The following KDM6B variants were observed in gnomAD, a reference collection of about 807,000 sequenced individuals.
KDM6B encodes the protein lysine-specific demethylase 6B.
A neutral mutation model predicts 150.4 loss-of-function variants in KDM6B; 22 were observed. That is an observed-to-expected ratio of 0.15 (90% CI 0.10 to 0.21). The LOEUF (loss-of-function observed/expected upper bound fraction) is 0.21, where lower values mean the gene tolerates loss of function less well. KDM6B is among the 10% of genes least tolerant of loss of function. The pLI, the probability that KDM6B is intolerant of heterozygous loss-of-function variation, is 1.00. For missense variants in KDM6B, 1,984 were observed against 2,234.3 expected (o/e 0.89, Z 2.26); for synonymous variants, 1,148 against 921.1 (o/e 1.25, Z -4.46).
Position 7,853,137 on chromosome 17 carries a change from C to T in KDM6B, c.4737+11C>T, listed in dbSNP as rs747015084. The T allele has an allele frequency of 5.1e-5, 82 of 1,613,938 alleles. No individual in the cohort carries two copies. Among genetic ancestry groups the T allele is most frequent in the Middle Eastern group, 1.6e-4 (1 of 6,084 alleles). On this transcript the variant is annotated intron_variant, in intron 22 of 23. Transcript: ENST00000448097. ...TGCAACGAGTGCGATGTGAGTGGGC[C>T]GGCTCTGCTGCTCTCCCTGAGTGTC...
intron 2 of KDM6B, among the ~76,000 whole-genome samples, chr17:7,841,635 T>C (rs989864341): frequency 3.3e-5 from 5 of 152,112 alleles, no homozygotes; most frequent in Middle Eastern, 3.2e-3. Context: ...TGAGCAGATA[T>C]GCAGGTGCAC....
chr17:7,835,883 C>G (rs926483872), intron 1 of KDM6B, among the ~76,000 whole-genome samples: 1 of 152,172 alleles, frequency 6.6e-6, no homozygotes, highest in African/African-American at 2.4e-5. Context: ...CCACACGTCT[C>G]GGTCGGTCTG....
At chr17:7,837,235 C>T (rs1292203764) in intron 1 of KDM6B, among the ~76,000 whole-genome samples, 2 of 151,996 alleles carry the variant, frequency 1.3e-5, no homozygotes, top group Non-Finnish European at 2.9e-5. Flanking sequence ...CCCCCTTCCC[C>T]AGATTGATTT....
chr17:7,846,585 C>G lies in KDM6B; in HGVS notation c.556C>G (p.Arg186Gly), dbSNP rs766710644. ...TCTCTCTTTTTGTTCTCAGCACAAACGGAACTATGGAGCCAAGCGGGGAGG... is the reference window on the plus strand; with the variant it reads ...TCTCTCTTTTTGTTCTCAGCACAAAGGGAACTATGGAGCCAAGCGGGGAGG... ...VWNLLHLEHKRNYGAKRGGPP... is the reference protein window; with the variant it reads ...VWNLLHLEHKGNYGAKRGGPP... Residue 186 changes from arginine to glycine, a missense_variant, in exon 9 of 24, where the codon CGG becomes GGG. Physicochemically the swap from Arg to Gly is moderately radical, Grantham distance 125. Around this residue, in one of 13 missense-constraint regions of KDM6B, gnomAD observed 337 missense variants for 323.9 expected, o/e 1.04. Coordinates refer to ENST00000448097, the MANE Select transcript of KDM6B (RefSeq NM_001348716.2). The G allele has an allele frequency of 1.2e-6, 2 of 1,614,084 alleles. No individual in the cohort carries two copies. Among genetic ancestry groups the G allele is most frequent in the Non-Finnish European group, 1.7e-6 (2 of 1,180,004 alleles).
rs754252808 is a variant in KDM6B at position 7,851,638 on chromosome 17, C to T, written c.4017-10C>T. 83 of 1,595,076 alleles carry T rather than the reference C, an allele frequency of 5.2e-5. No homozygotes were observed. The highest frequency in any genetic ancestry group is 6.2e-5 in the Non-Finnish European group (73 of 1,170,606). Reference sequence around the variant, plus strand: ...GGGGTGTAGCCTCTCGTCGCACTTCCGCACCGCAGGTGGAAGCCCCAGCTG... The same window carrying T: ...GGGGTGTAGCCTCTCGTCGCACTTCTGCACCGCAGGTGGAAGCCCCAGCTG... On this transcript the variant is annotated splice_polypyrimidine_tract_variant and intron_variant, in intron 17 of 23. Coordinates refer to ENST00000448097, the MANE Select transcript of KDM6B (RefSeq NM_001348716.2).
Position 7,837,287 on chromosome 17 carries a change from T to TGGGGG in KDM6B, c.-387-2614_-387-2610dup, listed in dbSNP as rs147635033. On this transcript the variant is annotated intron_variant, in intron 1 of 23. Transcript: ENST00000448097. The stretch of plus-strand genomic sequence containing the variant: ...AAAGACGGAAGAGTTGTGTGTAGTA[T>TGGGGG]GGGGGGGGGTTCACTACACACCAGC... 8.1e-4 allele frequency among the ~76,000 whole-genome samples: 122 copies of TGGGGG among 150,878 alleles called. 1 individual carries two copies. In the East Asian group the frequency reaches 0.017, roughly 22 times the overall value.
In KDM6B at chr17:7,853,617, AG is replaced by A. The variant is rs2078750179; in HGVS notation, c.*101del. On this transcript the variant is annotated 3_prime_UTR_variant, in exon 24 of 24. Transcript: ENST00000448097. ...ACCTAGGTCCCGCCTGTGGCCGAGAAGGGGGTCGGGCCCAGCCCTTCCACCC... is the reference window on the plus strand; with the variant it reads ...ACCTAGGTCCCGCCTGTGGCCGAGAAGGGGTCGGGCCCAGCCCTTCCACCC... 4.2e-6 allele frequency: 4 copies of A among 957,570 alleles called. No homozygotes were observed. The highest frequency in any genetic ancestry group is 5.6e-6 in the Non-Finnish European group (4 of 719,700). 59.3% of individuals were successfully genotyped at this position (957,570 alleles called of 1,614,324 possible).
chr17:7,848,046 G>T lies in KDM6B; in HGVS notation c.1758G>T (p.Arg586=). 2 of 1,608,540 alleles carry T rather than the reference G, an allele frequency of 1.2e-6. No individual in the cohort carries two copies. Among genetic ancestry groups the T allele is most frequent in the Non-Finnish European group, 1.7e-6 (2 of 1,177,420 alleles). ...YLARSIDPLP[R]PPSPAQNPQD... The stretch of plus-strand genomic sequence containing the variant: ...CCAGAAGTATAGACCCCCTTCCCCG[G>T]CCTCCCAGCCCAGCACAGAACCCCC... The change falls in exon 12 of 24, where the codon CGG becomes CGT. Residue 586 remains arginine, a synonymous_variant. Transcript: ENST00000448097.
Position 7,849,245 on chromosome 17 carries a change from A to C in KDM6B, c.2957A>C (p.His986Pro). ...QKEHQKEHRR[H>P]RRACKDSVGR... ...GAGCATCAGAAGGAGCATCGGCGGC[A>C]CAGGCGGGCCTGTAAGGACAGTGTG... The change falls in exon 12 of 24, where the codon CAC becomes CCC. Residue 986 changes from histidine to proline, a missense_variant. This residue lies in a region of KDM6B where 1,379 missense variants were observed against 1,275.6 expected (regional missense o/e 1.08). Transcript: ENST00000448097. The C allele has an allele frequency of 6.4e-7, 1 of 1,565,146 alleles. No homozygotes were observed. The highest frequency in any genetic ancestry group is 8.7e-7 in the Non-Finnish European group (1 of 1,154,276).
In KDM6B at chr17:7,846,177, G is replaced by A; in HGVS notation, c.336G>A (p.Gln112=). 6.2e-7 allele frequency: 1 copy of A among 1,614,104 alleles called. No homozygotes were observed. ...REPAQPGLWE[Q]LGQLYESEHD... The stretch of plus-strand genomic sequence containing the variant: ...CAGCCCAGCCAGGGCTTTGGGAACA[G>A]CTTGGGCAACTGTACGAGTCAGAGC... Residue 112 remains glutamine, a synonymous_variant, in exon 7 of 24, where the codon CAG becomes CAA. Coordinates refer to ENST00000448097, the MANE Select transcript of KDM6B (RefSeq NM_001348716.2).
chr17:7,850,702 AG>A (rs1335186828), intron 14 of KDM6B, among the ~76,000 whole-genome samples: 1 of 152,250 alleles, frequency 6.6e-6, no homozygotes, highest in Non-Finnish European at 1.5e-5. Context: ...GGAAAAAAGA[AG>A]CTGCCATTCA....
At chr17:7,836,004 A>G (rs1188623451) in intron 1 of KDM6B, among the ~76,000 whole-genome samples, 1 of 152,024 alleles carries the variant, frequency 6.6e-6, no homozygotes, top group African/African-American at 2.4e-5. Context: ...GGCTGGGCGG[A>G]GCTGTGGTTT....
In KDM6B at chr17:7,847,226, C is replaced by G; in HGVS notation, c.1031C>G (p.Ala344Gly). 2 of 1,588,056 alleles carry G rather than the reference C, an allele frequency of 1.3e-6. No homozygotes were observed. Among genetic ancestry groups the G allele is most frequent in the South Asian group, 1.1e-5 (1 of 90,772 alleles). Residue 344 changes from alanine (A) to glycine (G), a missense_variant, in exon 11 of 24, where the codon GCA (alanine) becomes GGA (glycine). Ala to Gly is a moderately conservative substitution (Grantham distance 60). Coordinates refer to ENST00000448097, the MANE Select transcript of KDM6B (RefSeq NM_001348716.2). ...GGCCCAGGCCCCCGCCCCCCAGGAGCAGAGAGCCATGGCTGCCTGCCTGCC... is the reference window on the plus strand; with the variant it reads ...GGCCCAGGCCCCCGCCCCCCAGGAGGAGAGAGCCATGGCTGCCTGCCTGCC... ...PPGPGPRPPG[A>G]ESHGCLPATR...
chr17:7,853,623 T>A lies in KDM6B; in HGVS notation c.*102T>A. ...GTCCCGCCTGTGGCCGAGAAGGGGG[T>A]CGGGCCCAGCCCTTCCACCCCATTG... On this transcript the variant is annotated 3_prime_UTR_variant, in exon 24 of 24. Coordinates refer to ENST00000448097, the MANE Select transcript of KDM6B (RefSeq NM_001348716.2). 1.1e-6 allele frequency: 1 copy of A among 878,588 alleles called. No individual in the cohort carries two copies. Among genetic ancestry groups the A allele is most frequent in the Non-Finnish European group, 1.5e-6 (1 of 650,158 alleles). The allele number at this position is 878,588 out of a possible 1,614,324, so 54.4% of individuals were successfully genotyped here.
chr17:7,840,889 GTGAGACATTGGGGATGGTAACA>G (rs1189728621), intron 2 of KDM6B, among the ~76,000 whole-genome samples: 1 of 152,168 alleles, frequency 6.6e-6, no homozygotes, highest in African/African-American at 2.4e-5. Context: ...TCTAGAGGAC[GTGAGACATTGGGGATGGTAACA>G]TGGGTAGAGC....
intron 7 of KDM6B, 29 bp from the exon 8 acceptor site, chr17:7,846,371 G>GGGGCGGGCGCCCGGGGCCCCCC: frequency 6.7e-7 from 1 of 1,488,926 alleles, no homozygotes; most frequent in Non-Finnish European, 9.2e-7. Flanking sequence ...CCTGACATCT[G>GGGGCGGGCGCCCGGGGCCCCCC]CCCCTGCCCC....
intron 1 of KDM6B, among the ~76,000 whole-genome samples, chr17:7,836,757 G>T (rs1376323328): frequency 6.6e-6 from 1 of 152,208 alleles, no homozygotes; most frequent in Non-Finnish European, 1.5e-5. Flanking sequence ...TCCTTTTTGG[G>T]TTCCCAGAAT....
At chr17:7,840,708 T>G (rs189120160) in intron 2 of KDM6B, 1 of 152,246 alleles carries the variant, frequency 6.6e-6, no homozygotes, top group African/African-American at 2.4e-5. Flanking sequence ...TCATTACATA[T>G]GGGGTTTCTC....
At chr17:7,853,470 T>C in intron 23 of KDM6B, 28 bp from the exon 24 acceptor site, 1 of 1,507,048 alleles carries the variant, frequency 6.6e-7, no homozygotes, top group Non-Finnish European at 8.8e-7. Flanking sequence ...CGCCTTTCCC[T>C]GAGCCCCCGC....
Sources: allele counts gnomAD v4.1 joint callset (sites outside exome capture counted in the v4.1 genomes callset), GRCh38; gene constraint gnomAD v4.1.1; regional missense constraint gnomAD v4.1.1; transcripts MANE v1.5; gene names NCBI Gene and HGNC (gene_info 2026-07-23, HGNC 2026-07-21).